CLEC12A: variants seen among roughly 807,000 people sequenced by gnomAD.
CLEC12A encodes the protein C-type lectin domain family 12 member A.
Under a neutral mutation model 26.5 loss-of-function variants are expected in CLEC12A, and 22 were observed. The observed-to-expected ratio is 0.83, with a 90% CI of 0.59 to 1.19. CLEC12A has a LOEUF of 1.19. CLEC12A is among the 50% of genes most tolerant of loss of function. CLEC12A has a pLI of 0.00. For missense variants in CLEC12A, 353 were observed against 315.6 expected, an observed-to-expected ratio of 1.12 and a Z score of -0.90; for synonymous variants, 119 against 101.9, an observed-to-expected ratio of 1.17 and a Z score of -1.01.
At chr12:10,000,508 A>C (rs943324511), downstream of CLEC12A, among the ~76,000 whole-genome samples, 5 of 152,248 alleles carry the variant, frequency 3.3e-5, no homozygotes, top group African/African-American at 9.6e-5. Flanking sequence ...TTAAAAAAAA[A>C]CACATTTGAA....
chr12:9,960,574 G>C (rs923519600), intron 1 of CLEC12A, among the ~76,000 whole-genome samples: 1 of 152,052 alleles, frequency 6.6e-6, no homozygotes, highest in Non-Finnish European at 1.5e-5. Context: ...CACCTCACAC[G>C]TCCTCAGCAT....
chr12:9,989,086 C>T (rs1481315918), downstream of CLEC12A, among the ~76,000 whole-genome samples: 1 of 151,950 alleles, frequency 6.6e-6, no homozygotes, highest in Admixed American at 6.6e-5. Flanking sequence ...AGCTGGAAAC[C>T]ATCATTCTCA....
chr12:9,994,758 G>A (rs1864990116), intron 4 of CLEC12A, among the ~76,000 whole-genome samples: 1 of 152,038 alleles, frequency 6.6e-6, no homozygotes, highest in Non-Finnish European at 1.5e-5. Flanking sequence ...ATAATGATAT[G>A]AAATTTTGTT....
chr12:9,959,371 G>C (rs1244118226), intron 1 of CLEC12A, among the ~76,000 whole-genome samples: 1 of 151,210 alleles, frequency 6.6e-6, no homozygotes. Context: ...AGAATCTCTT[G>C]AACCAGTGAG....
At chr12:9,975,242 G>C (rs1459875603) in intron 1 of CLEC12A, among the ~76,000 whole-genome samples, 1 of 152,168 alleles carries the variant, frequency 6.6e-6, no homozygotes, top group Non-Finnish European at 1.5e-5. Flanking sequence ...AGAGACTTTG[G>C]GACTGGGCAA....
chr12:9,965,660 GGC>G (rs1591815668), intron 1 of CLEC12A, among the ~76,000 whole-genome samples: 1 of 152,000 alleles, frequency 6.6e-6, no homozygotes, highest in East Asian at 1.9e-4. Context: ...TGGTTGATAA[GGC>G]ACAGATCCTG....
At chr12:9,985,693 A>G (rs73255649), downstream of CLEC12A, 9,107 of 380,690 alleles carry the variant, frequency 0.024, 122 homozygotes, top group Non-Finnish European at 0.028. Flanking sequence ...AAACATAAGC[A>G]TTGTTCTGAA....
At chr12:9,996,203 T>C (rs1565570807), downstream of CLEC12A, among the ~76,000 whole-genome samples, 1 of 152,306 alleles carries the variant, frequency 6.6e-6, no homozygotes, top group East Asian at 1.9e-4. Context: ...AACCTTTCTG[T>C]TATATCCTAA....
At position 9,960,815 on chromosome 12, in the gene CLEC12A, C is replaced by T. The variant is rs1863815556; in HGVS notation, c.10+9459C>T. Among the ~76,000 whole-genome samples the T allele has an allele frequency of 2.6e-5, 4 of 152,322 alleles. No individual in the cohort carries two copies. The South Asian group carries it at 8.3e-4, about 32-fold the overall frequency. ...CCGACTTTCAGGCAAGGAACTGAAACTCATCAGAGCACCACACCCAGGCAA... is the reference window on the plus strand; with the variant it reads ...CCGACTTTCAGGCAAGGAACTGAAATTCATCAGAGCACCACACCCAGGCAA... On this transcript the variant is annotated intron_variant, in intron 1 of 6. Coordinates refer to the CLEC12A transcript ENST00000355690.
intron 1 of CLEC12A, among the ~76,000 whole-genome samples, chr12:9,973,861 T>C (rs1864230860): frequency 6.6e-6 from 1 of 152,074 alleles, no homozygotes; most frequent in Admixed American, 6.6e-5. Context: ...TTTTCCTTTT[T>C]GGTGCACCAA....
chr12:9,995,188 G>A (rs759837813), exon 5 of CLEC12A: 11 of 1,612,856 alleles, frequency 6.8e-6, no homozygotes, highest in South Asian at 1.1e-5. Context: ...GACCTCATTC[G>A]ACTTCTGGCG....
At chr12:9,976,028 C>T (rs1464791644) in intron 1 of CLEC12A, among the ~76,000 whole-genome samples, 1 of 152,200 alleles carries the variant, frequency 6.6e-6, no homozygotes, top group African/African-American at 2.4e-5. Flanking sequence ...GAACCTCTGT[C>T]TAGATTTCAG....
intron 1 of CLEC12A, among the ~76,000 whole-genome samples, chr12:9,956,431 C>G (rs182521475): frequency 5.3e-5 from 8 of 152,270 alleles, no homozygotes; most frequent in East Asian, 1.9e-4. Flanking sequence ...CCTGGGCTGT[C>G]TATCAGATAT....
chr12:9,994,308 A>G (rs1266314012), intron 4 of CLEC12A, among the ~76,000 whole-genome samples: 2 of 152,188 alleles, frequency 1.3e-5, no homozygotes, highest in Non-Finnish European at 2.9e-5. Context: ...GGCAGCAAGC[A>G]ATAGGAGATA....
the CLEC12A span, among the ~76,000 whole-genome samples, chr12:10,004,217 G>GC: frequency 6.6e-6 from 1 of 152,214 alleles, no homozygotes; most frequent in African/African-American, 2.4e-5. Context: ...TCTGCCATCT[G>GC]CAGACAACAT....
chr12:9,958,693 A>G (rs1591811020), intron 1 of CLEC12A, among the ~76,000 whole-genome samples: 1 of 152,240 alleles, frequency 6.6e-6, no homozygotes, highest in East Asian at 1.9e-4. Context: ...GGAATTCTTA[A>G]CAGGACCAGA....
At chr12:9,999,124 G>C, downstream of CLEC12A, 1 of 1,552,128 alleles carries the variant, frequency 6.4e-7, no homozygotes. Context: ...CTGCAACTGA[G>C]CTCAGAGTTC....
chr12:9,964,207 A>T (rs989910216), intron 1 of CLEC12A, among the ~76,000 whole-genome samples: 1 of 152,220 alleles, frequency 6.6e-6, no homozygotes, highest in Non-Finnish European at 1.5e-5. Context: ...GGGGAGGTCT[A>T]GCTGGACCTG....
chr12:9,979,973 T>C (rs183473375), intron 3 of CLEC12A, among the ~76,000 whole-genome samples: 1 of 152,194 alleles, frequency 6.6e-6, no homozygotes, highest in Non-Finnish European at 1.5e-5. Flanking sequence ...TCTCCATAAG[T>C]TTCTATAGTC....
Sources: allele counts gnomAD v4.1 joint callset (sites outside exome capture counted in the v4.1 genomes callset), GRCh38; gene constraint gnomAD v4.1.1; transcripts MANE v1.5; gene names NCBI Gene and HGNC (gene_info 2026-07-23, HGNC 2026-07-21).